INSL6: variants seen among roughly 807,000 people sequenced by gnomAD.
INSL6 encodes the protein insulin like 6.
Under a neutral mutation model 9.4 loss-of-function variants are expected in INSL6, and 16 were observed. The observed-to-expected ratio is 1.70, with a 90% CI of 1.15 to 2.59. INSL6 has a LOEUF of 2.59. Ranked by LOEUF, INSL6 falls within the 30% of genes most tolerant of loss-of-function variation. INSL6 has a pLI of 0.00. For missense variants in INSL6, 391 were observed against 257.3 expected (o/e 1.52, Z -3.56); for synonymous variants, 154 against 96.9 (o/e 1.59, Z -3.46).
chr9:5,150,995 G>A (rs774558301), intron 2 of INSL6, among the ~76,000 whole-genome samples: 4 of 152,126 alleles, frequency 2.6e-5, no homozygotes, highest in African/African-American at 7.2e-5. Flanking sequence ...GTTAGATGCT[G>A]CCTGTTCTCA....
the INSL6 span, among the ~76,000 whole-genome samples, chr9:5,036,263 G>A: frequency 2.6e-5 from 4 of 152,142 alleles, no homozygotes; most frequent in African/African-American, 9.7e-5. Context: ...CATGCTCATG[G>A]GTAGGAAGAA....
the INSL6 span, among the ~76,000 whole-genome samples, chr9:5,023,866 A>C: frequency 6.6e-6 from 1 of 152,088 alleles, no homozygotes; most frequent in Admixed American, 6.6e-5. Flanking sequence ...CTGATCCTTT[A>C]GCTTATAGTA....
the INSL6 span, among the ~76,000 whole-genome samples, chr9:5,065,682 A>T: frequency 2.6e-5 from 4 of 152,174 alleles, no homozygotes; most frequent in Non-Finnish European, 5.9e-5. Context: ...TCCTTACTTT[A>T]ATACTGGGTA....
the INSL6 span, among the ~76,000 whole-genome samples, chr9:5,057,082 G>C: frequency 1.3e-5 from 2 of 152,028 alleles, no homozygotes; most frequent in African/African-American, 4.8e-5. Context: ...TTTTATTTTA[G>C]GGATACATTG....
chr9:5,068,877 TTCTATCA>T, the INSL6 span: 1 of 494,584 alleles, frequency 2.0e-6, no homozygotes, highest in Non-Finnish European at 3.5e-6. Context: ...AACTAAGTAC[TTCTATCA>T]CTATACTGGC....
the INSL6 span, among the ~76,000 whole-genome samples, chr9:5,028,233 G>A: frequency 1.9e-4 from 29 of 152,198 alleles, no homozygotes; most frequent in Non-Finnish European, 3.7e-4. Context: ...GAAATTCAAT[G>A]TACATCTTCA....
chr9:5,091,087 G>A, the INSL6 span: 1 of 488,402 alleles, frequency 2.0e-6, no homozygotes, highest in South Asian at 3.6e-5. Flanking sequence ...TAGTCCACGT[G>A]GGAAAATGGC....
At chr9:5,104,711 CG>C in the INSL6 span, among the ~76,000 whole-genome samples, 4 of 152,174 alleles carry the variant, frequency 2.6e-5, no homozygotes, top group Non-Finnish European at 5.9e-5. Flanking sequence ...TTATCAACCA[CG>C]ATCAAGTCGG....
chr9:5,077,309 A>G, the INSL6 span: 2 of 285,742 alleles, frequency 7.0e-6, no homozygotes, highest in Admixed American at 5.3e-5. Context: ...CTGTGTATCC[A>G]TTAAGTTTTC....
intron 1 of INSL6, among the ~76,000 whole-genome samples, chr9:5,174,071 C>G (rs185913690): frequency 4.1e-4 from 63 of 152,312 alleles, no homozygotes; most frequent in Non-Finnish European, 6.6e-4. Flanking sequence ...CGTATTACAT[C>G]TCTCCTCTTG....
At chr9:5,049,646 G>C in the INSL6 span, among the ~76,000 whole-genome samples, 2 of 152,122 alleles carry the variant, frequency 1.3e-5, no homozygotes, top group Admixed American at 6.5e-5. Flanking sequence ...GCTAAATTTT[G>C]GTCCCCTTGA....
chr9:5,182,781 G>A lies in INSL6; in HGVS notation c.289+2533C>T, dbSNP rs72701668. 3.2e-3 allele frequency among the ~76,000 whole-genome samples: 485 copies of A among 152,092 alleles called. 1 individual carries two copies. The highest frequency in any genetic ancestry group is 5.2e-3 in the Non-Finnish European group (352 of 67,968). ...TGATTTCACCTGGCACTAATATCTCGGAAGCACAATACTCAGTCGTAATTT... is the reference window on the plus strand; with the variant it reads ...TGATTTCACCTGGCACTAATATCTCAGAAGCACAATACTCAGTCGTAATTT... On this transcript the variant is annotated intron_variant, in intron 1 of 1. Transcript: ENST00000381641.
At chr9:5,074,283 C>A in the INSL6 span, among the ~76,000 whole-genome samples, 1 of 152,086 alleles carries the variant, frequency 6.6e-6, no homozygotes, top group Admixed American at 6.6e-5. Context: ...TAATACTATA[C>A]AGGCATGCCT....
chr9:5,075,400 G>A, the INSL6 span, among the ~76,000 whole-genome samples: 2 of 152,200 alleles, frequency 1.3e-5, no homozygotes, highest in African/African-American at 4.8e-5. Context: ...TCGAAGGACA[G>A]GCTGACCCTC....
At chr9:5,024,738 C>T in the INSL6 span, among the ~76,000 whole-genome samples, 11 of 152,290 alleles carry the variant, frequency 7.2e-5, no homozygotes, top group South Asian at 4.2e-4. Context: ...TGAATATCTT[C>T]TGTGAAGCTG....
At chr9:5,118,969 A>G (rs1300665799), downstream of INSL6, among the ~76,000 whole-genome samples, 1 of 152,208 alleles carries the variant, frequency 6.6e-6, no homozygotes, top group Non-Finnish European at 1.5e-5. Context: ...AATTCCAACT[A>G]TATGTTACAC....
the INSL6 span, among the ~76,000 whole-genome samples, chr9:5,045,981 T>C: frequency 6.6e-6 from 1 of 152,212 alleles, no homozygotes; most frequent in Non-Finnish European, 1.5e-5. Flanking sequence ...CTGTAGTGGC[T>C]GCACTATTTT....
chr9:5,148,515 G>C (rs145342108), intron 2 of INSL6, among the ~76,000 whole-genome samples: 2 of 152,110 alleles, frequency 1.3e-5, no homozygotes, highest in South Asian at 2.1e-4. Context: ...TAGGTATTTC[G>C]GGGCCACAGG....
the INSL6 span, chr9:5,089,659 T>A: frequency 1.5e-6 from 2 of 1,300,476 alleles, no homozygotes; most frequent in Non-Finnish European, 2.0e-6. Context: ...CATCCTAATG[T>A]GATGTGTCAT....
Sources: gnomAD v4.1 joint callset for allele counts (sites outside exome capture counted in the v4.1 genomes callset) on GRCh38, gnomAD v4.1.1 for gene constraint, MANE v1.5 for transcripts, NCBI Gene and HGNC (gene_info 2026-07-23, HGNC 2026-07-21) for gene names.